GDPGP1: variants seen among roughly 807,000 people sequenced by gnomAD.
The protein encoded by GDPGP1 is GDP-D-glucose phosphorylase C15orf58.
GDPGP1 carries 18 observed loss-of-function variants against 19.2 expected under a neutral mutation model. The observed-to-expected ratio is 0.94, with a 90% CI of 0.65 to 1.39. GDPGP1 has a LOEUF of 1.39. GDPGP1 is among the 40% of genes most tolerant of loss of function. The pLI, the probability that GDPGP1 is intolerant of heterozygous loss-of-function variation, is 0.00. For synonymous variants in GDPGP1, 219 were observed against 208.9 expected, an observed-to-expected ratio of 1.05 and a Z score of -0.42; for missense variants, 449 against 490.5, an observed-to-expected ratio of 0.92 and a Z score of 0.80.
chr15:90,242,172 C>T lies in GDPGP1; in HGVS notation c.*106C>T. The T allele has an allele frequency of 1.1e-6, 1 of 938,274 alleles. No individual in the cohort carries two copies. The highest frequency in any genetic ancestry group is 1.6e-6 in the Non-Finnish European group (1 of 642,690). 58.1% of individuals were successfully genotyped at this position (938,274 alleles called of 1,614,324 possible). A position where few individuals can be genotyped will look rare whatever the true frequency, so the allele number is the denominator to read the frequency against. ...GTATGATCCTGGCTCACTGTAGCCT[C>T]CACCTCTGGGGCTGAAGTGATCCTC... On this transcript the variant is annotated 3_prime_UTR_variant, in exon 4 of 4. Coordinates refer to ENST00000329600, the MANE Select transcript of GDPGP1 (RefSeq NM_001013657.3).
At chr15:90,235,848 G>A (rs141929326) in intron 2 of GDPGP1, among the ~76,000 whole-genome samples, 3,724 of 152,142 alleles carry the variant, frequency 0.024, 143 homozygotes, top group African/African-American at 0.081. Context: ...GATTACAGGC[G>A]TGACCCACCG....
Position 90,242,252 on chromosome 15 carries a change from GCTTTT to G in GDPGP1, c.*187_*191del. 9.1e-6 allele frequency: 2 copies of G among 219,906 alleles called. No homozygotes were observed. Among genetic ancestry groups the G allele is most frequent in the Non-Finnish European group, 7.3e-6 (1 of 136,294 alleles). The allele number at this position is 219,906 out of a possible 1,614,324, so 13.6% of individuals were successfully genotyped here. ...ATAGGCGTGCACCACCACACACCTGGCTTTTTTTTTTTTTTTTTTTTTTTTTAACG... is the reference window on the plus strand; with the variant it reads ...ATAGGCGTGCACCACCACACACCTGGTTTTTTTTTTTTTTTTTTTTTAACG... On this transcript the variant is annotated 3_prime_UTR_variant, in exon 4 of 4. Coordinates refer to ENST00000329600, the MANE Select transcript of GDPGP1 (RefSeq NM_001013657.3).
At chr15:90,239,305 A>ATGTGTG (rs4031525) in intron 3 of GDPGP1, among the ~76,000 whole-genome samples, 3,311 of 147,948 alleles carry the variant, frequency 0.022, 43 homozygotes, top group African/African-American at 0.046. Flanking sequence ...GAGACATAAA[A>ATGTGTG]TGTGTGTGTG....
chr15:90,237,706 T>C (rs1249784679), intron 2 of GDPGP1, among the ~76,000 whole-genome samples: 1 of 152,208 alleles, frequency 6.6e-6, no homozygotes, highest in African/African-American at 2.4e-5. Context: ...TATCTCTTTT[T>C]TTTCTCCTTT....
intron 2 of GDPGP1, among the ~76,000 whole-genome samples, chr15:90,237,283 CTTT>C (rs35595704): frequency 8.8e-6 from 1 of 113,232 alleles, no homozygotes. Context: ...CTTTTTTTCC[CTTT>C]TTTTTTTTTT....
At position 90,242,316 on chromosome 15, in the gene GDPGP1, C is replaced by G. The variant is rs942976370; in HGVS notation, c.*250C>G. ...ATTTTGTATTTTTTTATATAGACAG[C>G]GTTTCACCATGTTGCCCAGGCTGGT... On this transcript the variant is annotated 3_prime_UTR_variant, in exon 4 of 4. Coordinates refer to ENST00000329600, the MANE Select transcript of GDPGP1 (RefSeq NM_001013657.3). 1.6e-5 allele frequency: 4 copies of G among 252,418 alleles called. No individual in the cohort carries two copies. The highest frequency in any genetic ancestry group is 2.8e-5 in the Non-Finnish European group (4 of 142,424). The allele number at this position is 252,418 out of a possible 1,614,324, so 15.6% of individuals were successfully genotyped here.
chr15:90,241,098 T>C lies in GDPGP1; in HGVS notation c.190T>C (p.Cys64Arg). The stretch of plus-strand genomic sequence containing the variant: ...ACAATCTCCCTTTGATGCTGCACTC[T>C]GCTCTGCCTGGAAGCAGCGGGTGGA... ...LPQSPFDAAL[C>R]SAWKQRVELG... is the part of the protein sequence containing the mutation. The change falls in exon 4 of 4, where the codon TGC (cysteine) becomes CGC (arginine). Residue 64 changes from cysteine (C) to arginine (R), a missense_variant. Cys to Arg is a radical substitution (Grantham distance 180). Coordinates refer to ENST00000329600, the MANE Select transcript of GDPGP1 (RefSeq NM_001013657.3). 1.9e-6 allele frequency: 3 copies of C among 1,614,186 alleles called. No homozygotes were observed. Among genetic ancestry groups the C allele is most frequent in the Non-Finnish European group, 2.5e-6 (3 of 1,180,016 alleles).
chr15:90,234,772 A>G (rs1244056087), intron 2 of GDPGP1, among the ~76,000 whole-genome samples, 176 bp downstream of exon 2: 1 of 152,160 alleles, frequency 6.6e-6, no homozygotes. Context: ...TCTCACCCCT[A>G]GACTGCTGAC....
rs1962582703 is a variant in GDPGP1, at chr15:90,234,219, CG to C, written c.-212del. On this transcript the variant is annotated 5_prime_UTR_variant, in exon 1 of 4. An upstream open reading frame in the 5' UTR gains an earlier in-frame stop. Coordinates refer to ENST00000329600, the MANE Select transcript of GDPGP1 (RefSeq NM_001013657.3). ...GTGCGTGCTGGCTGCGTATGCGTCA[CG>C]GGCGTCATGACCTCGCTGTGGCCCC... is the stretch of plus-strand genomic sequence containing the variant. The C allele has an allele frequency of 3.8e-6, 1 of 266,044 alleles. No individual in the cohort carries two copies. The allele number at this position is 266,044 out of a possible 1,614,324, so 16.5% of individuals were successfully genotyped here. A position where few individuals can be genotyped will look rare whatever the true frequency, so the allele number is the denominator to read the frequency against.
intron 3 of GDPGP1, among the ~76,000 whole-genome samples, chr15:90,238,925 C>A (rs1475696809): frequency 6.6e-6 from 1 of 150,916 alleles, no homozygotes; most frequent in African/African-American, 2.5e-5. Flanking sequence ...TCTGTCTCTA[C>A]CAAAAACAAA....
intron 2 of GDPGP1, among the ~76,000 whole-genome samples, chr15:90,235,717 G>A (rs905843013): frequency 6.6e-6 from 1 of 151,740 alleles, no homozygotes; most frequent in Non-Finnish European, 1.5e-5. Context: ...ACAGGCACCC[G>A]CCACCACACC....
At position 90,241,502 on chromosome 15, in the gene GDPGP1, C is replaced by G. The variant is rs140605827; in HGVS notation, c.594C>G (p.His198Gln). The change falls in exon 4 of 4, where the codon CAC (histidine) becomes CAG (glutamine). Residue 198 changes from histidine to glutamine, a missense_variant. By Grantham distance (24) the His-to-Gln change is conservative. Coordinates refer to ENST00000329600, the MANE Select transcript of GDPGP1 (RefSeq NM_001013657.3). ...TTGAGGCTGTGCTGCTGAGCTTACACCCGGGCTTCCGTGTCGGCTTCAACA... is the reference window on the plus strand; with the variant it reads ...TTGAGGCTGTGCTGCTGAGCTTACAGCCGGGCTTCCGTGTCGGCTTCAACA... Reference protein sequence around the residue: ...AGIEAVLLSLHPGFRVGFNSL... With the variant: ...AGIEAVLLSLQPGFRVGFNSL... The G allele has an allele frequency of 3.7e-6, 6 of 1,613,812 alleles. No individual in the cohort carries two copies. The highest frequency in any genetic ancestry group is 5.1e-6 in the Non-Finnish European group (6 of 1,180,038).
Position 90,245,795 on chromosome 15 carries a change from T to C in GDPGP1, c.*3729T>C, listed in dbSNP as rs1962849495. ...TATAAAAAGGGGAAAGTAAAATGGG[T>C]TTTCTTTCTGGTGGTATTTCTCAGC... On this transcript the variant is annotated 3_prime_UTR_variant, in exon 4 of 4. Coordinates refer to ENST00000329600, the MANE Select transcript of GDPGP1 (RefSeq NM_001013657.3). The C allele has an allele frequency of 6.6e-6, 1 of 152,110 alleles. No individual in the cohort carries two copies. The highest frequency in any genetic ancestry group is 6.6e-5 in the Admixed American group (1 of 15,250). The allele number at this position is 152,110 out of a possible 1,614,324, so 9.4% of individuals were successfully genotyped here.
rs1351978410 is a variant in GDPGP1 at position 90,242,000 on chromosome 15, G to T, written c.1092G>T (p.Leu364=). 25 of 1,614,022 alleles carry T rather than the reference G, an allele frequency of 1.5e-5. No homozygotes were observed. Among genetic ancestry groups the T allele is most frequent in the Non-Finnish European group, 2.1e-5 (25 of 1,180,018 alleles). The stretch of plus-strand genomic sequence containing the variant: ...TGGCCCTCATTCAGGACTGTCGGCT[G>T]CCCCCATCCCAGGCAGAAGACGTAC... ...AAVALIQDCR[L]PPSQAEDVQA... The change falls in exon 4 of 4, where the codon CTG becomes CTT. Residue 364 remains leucine (L), a synonymous_variant. Coordinates refer to ENST00000329600, the MANE Select transcript of GDPGP1 (RefSeq NM_001013657.3).
At position 90,241,081 on chromosome 15, in the gene GDPGP1, C is replaced by A; in HGVS notation, c.173C>A (p.Pro58His). ...PGIPDALPQS[P>H]FDAALCSAWK... Reference sequence around the variant, plus strand: ...ATCCCAGATGCTCTGCCACAATCTCCCTTTGATGCTGCACTCTGCTCTGCC... The same window carrying A: ...ATCCCAGATGCTCTGCCACAATCTCACTTTGATGCTGCACTCTGCTCTGCC... The change falls in exon 4 of 4, where the codon CCC becomes CAC. Residue 58 changes from proline to histidine, a missense_variant. Physicochemically the swap from Pro to His is moderately conservative, Grantham distance 77. Coordinates refer to ENST00000329600, the MANE Select transcript of GDPGP1 (RefSeq NM_001013657.3). The A allele has an allele frequency of 1.2e-6, 2 of 1,614,182 alleles. No homozygotes were observed. Among genetic ancestry groups the A allele is most frequent in the Non-Finnish European group, 1.7e-6 (2 of 1,180,030 alleles).
chr15:90,241,925 C>T lies in GDPGP1; in HGVS notation c.1017C>T (p.Leu339=). The T allele has an allele frequency of 6.2e-7, 1 of 1,614,104 alleles. No individual in the cohort carries two copies. Among genetic ancestry groups the T allele is most frequent in the East Asian group, 2.2e-5 (1 of 44,886 alleles). The change falls in exon 4 of 4, where the codon CTC becomes CTT. Residue 339 remains leucine (L), a synonymous_variant. Transcript: ENST00000329600. The part of the protein sequence containing the change: ...NVALCELAGH[L]PVKTSQDFSS... ...CCCTCTGTGAGCTGGCTGGGCACCT[C>T]CCTGTCAAAACATCCCAGGACTTCA...
At chr15:90,240,238 T>C (rs1009795490) in intron 3 of GDPGP1, among the ~76,000 whole-genome samples, 5 of 149,590 alleles carry the variant, frequency 3.3e-5, no homozygotes, top group Non-Finnish European at 3.0e-5. Flanking sequence ...CCAGGTGCAG[T>C]GGCTCAGGCC....
chr15:90,235,066 C>T (rs1444039981), intron 2 of GDPGP1, among the ~76,000 whole-genome samples: 3 of 152,172 alleles, frequency 2.0e-5, no homozygotes, highest in Non-Finnish European at 4.4e-5. Context: ...TCCTGGCCCT[C>T]TGTAACTGGA....
intron 3 of GDPGP1, among the ~76,000 whole-genome samples, chr15:90,238,784 G>A (rs193153443): frequency 6.6e-6 from 1 of 152,238 alleles, no homozygotes; most frequent in East Asian, 1.9e-4. Context: ...CAAAAGAAGT[G>A]GTCATCTTTG....
Sources: allele counts gnomAD v4.1 joint callset (sites outside exome capture counted in the v4.1 genomes callset), GRCh38; gene constraint gnomAD v4.1.1; transcripts MANE v1.5; gene names NCBI Gene and HGNC (gene_info 2026-07-23, HGNC 2026-07-21).